CSMD2: variants seen among roughly 807,000 people sequenced by gnomAD.
The protein encoded by CSMD2 is CUB and Sushi multiple domains 2, also known as CUB and sushi domain-containing protein 2.
A neutral mutation model predicts 398.5 loss-of-function variants in CSMD2; 130 were observed. The observed-to-expected ratio is 0.33, with a 90% CI of 0.28 to 0.38. The LOEUF (loss-of-function observed/expected upper bound fraction) is 0.38, where lower values mean the gene tolerates loss of function less well. Ranked by LOEUF, CSMD2 falls within the 10% of genes least tolerant of loss-of-function variation. CSMD2 has a pLI of 1.00. For missense variants in CSMD2, 3,829 were observed against 4,764.9 expected, an observed-to-expected ratio of 0.80 and a Z score of 5.78; for synonymous variants, 1,828 against 1,908.5, an observed-to-expected ratio of 0.96 and a Z score of 1.10.
intron 3 of CSMD2, among the ~76,000 whole-genome samples, chr1:33,997,575 T>G (rs535772654): frequency 1.8e-3 from 270 of 152,302 alleles, no homozygotes; most frequent in Middle Eastern, 3.4e-3. Flanking sequence ...GGCAAATTCT[T>G]GCTGAGCAGG....
intron 6 of CSMD2, among the ~76,000 whole-genome samples, chr1:33,843,592 G>A (rs928077748): frequency 1.3e-5 from 2 of 152,158 alleles, no homozygotes; most frequent in Admixed American, 6.5e-5. Context: ...TCTCTGCCCT[G>A]TTCTGTGCCC....
intron 12 of CSMD2, among the ~76,000 whole-genome samples, chr1:33,778,689 G>GGCCCCT (rs1402124860): frequency 6.6e-6 from 1 of 152,128 alleles, no homozygotes; most frequent in African/African-American, 2.4e-5. Context: ...CCTGCCCCAC[G>GGCCCCT]GCCCCTGCCC....
At chr1:33,521,919 C>T (rs986543175) in intron 67 of CSMD2, among the ~76,000 whole-genome samples, 7 of 152,150 alleles carry the variant, frequency 4.6e-5, no homozygotes, top group Admixed American at 4.6e-4. Flanking sequence ...AATTTATAGG[C>T]CTTACATGCA....
intron 5 of CSMD2, among the ~76,000 whole-genome samples, 196 bp from the exon 6 acceptor site, chr1:33,847,192 C>T (rs1216087356): frequency 6.6e-6 from 1 of 152,152 alleles, no homozygotes; most frequent in Non-Finnish European, 1.5e-5. Flanking sequence ...TCCAGGGTCT[C>T]ATCCCACTGC....
intron 26 of CSMD2, among the ~76,000 whole-genome samples, chr1:33,660,365 G>A (rs532297962): frequency 3.0e-4 from 45 of 152,206 alleles, no homozygotes; most frequent in Admixed American, 2.4e-3. Flanking sequence ...TAATGCTCCT[G>A]AATTGGAGCT....
At chr1:33,750,737 T>G (rs1399417385) in intron 13 of CSMD2, among the ~76,000 whole-genome samples, 1 of 152,174 alleles carries the variant, frequency 6.6e-6, no homozygotes, top group Non-Finnish European at 1.5e-5. Context: ...GGTTGATTGA[T>G]CAATACCTGA....
intron 6 of CSMD2, among the ~76,000 whole-genome samples, chr1:33,843,789 C>T (rs537295630): frequency 1.3e-5 from 2 of 152,244 alleles, no homozygotes; most frequent in African/African-American, 2.4e-5. Flanking sequence ...AGCTACTGAT[C>T]CCCTGATCCC....
At chr1:33,581,546 A>AAAAAAAAAAAAAAAAAAAAAAAAAC in intron 47 of CSMD2, among the ~76,000 whole-genome samples, 1 of 145,388 alleles carries the variant, frequency 6.9e-6, no homozygotes, top group Middle Eastern at 3.3e-3. Context: ...AAAAAAAAAA[A>AAAAAAAAAAAAAAAAAAAAAAAAAC]AAAAAAAAGA....
intron 13 of CSMD2, among the ~76,000 whole-genome samples, chr1:33,745,363 C>T (rs562924979): frequency 6.6e-6 from 1 of 152,052 alleles, no homozygotes; most frequent in Non-Finnish European, 1.5e-5. Flanking sequence ...TTAATATATA[C>T]AAGCATAAAA....
chr1:33,700,934 C>T (rs769796897), intron 22 of CSMD2, among the ~76,000 whole-genome samples: 1 of 152,208 alleles, frequency 6.6e-6, no homozygotes, highest in Non-Finnish European at 1.5e-5. Flanking sequence ...CTATTCTAAT[C>T]TTTCCAGTGG....
Position 33,918,304 on chromosome 1 carries a change from G to A in CSMD2, c.713-3C>T. 2.5e-6 allele frequency: 4 copies of A among 1,613,610 alleles called. No individual in the cohort carries two copies. The highest frequency in any genetic ancestry group is 3.4e-6 in the Non-Finnish European group (4 of 1,179,898). Reference sequence around the variant, plus strand: ...GGTCCCACCACAGGCATCATCAGCTGTGGGCACAGAGAGAAGAGGCTTACA... The same window carrying A: ...GGTCCCACCACAGGCATCATCAGCTATGGGCACAGAGAGAAGAGGCTTACA... On this transcript the variant is annotated splice_polypyrimidine_tract_variant and splice_region_variant and intron_variant, in intron 4 of 70. Coordinates refer to ENST00000373381, the MANE Select transcript of CSMD2 (RefSeq NM_001281956.2).
At chr1:33,617,416 G>T in intron 38 of CSMD2, 83 bp downstream of exon 38, 1 of 1,021,704 alleles carries the variant, frequency 9.8e-7, no homozygotes, top group South Asian at 1.3e-5. Flanking sequence ...GTTCTTTGGT[G>T]ACTGTAGCTC....
At chr1:34,121,585 T>G (rs990537630) in intron 1 of CSMD2, among the ~76,000 whole-genome samples, 1 of 152,220 alleles carries the variant, frequency 6.6e-6, no homozygotes, top group Non-Finnish European at 1.5e-5. Flanking sequence ...AAAACCTGCA[T>G]TTCTAATAAG....
chr1:33,847,032 G>T, intron 5 of CSMD2, 36 bp from the exon 6 acceptor site: 2 of 1,421,224 alleles, frequency 1.4e-6, no homozygotes, highest in Non-Finnish European at 9.9e-7. Context: ...TCAGGGACCA[G>T]AGCTGAGTGG....
intron 12 of CSMD2, among the ~76,000 whole-genome samples, chr1:33,779,657 G>A (rs1281070657): frequency 6.6e-6 from 1 of 152,178 alleles, no homozygotes; most frequent in Non-Finnish European, 1.5e-5. Context: ...TGGTGCAAGT[G>A]CATTCCCATG....
At position 33,635,389 on chromosome 1, in the gene CSMD2, T is replaced by C. The variant is rs894506181; in HGVS notation, c.4970-59A>G. The C allele has an allele frequency of 2.9e-6, 3 of 1,025,762 alleles. No homozygotes were observed. The highest frequency in any genetic ancestry group is 4.5e-6 in the Non-Finnish European group (3 of 661,296). 63.5% of individuals were successfully genotyped at this position (1,025,762 alleles called of 1,614,324 possible). A position where few individuals can be genotyped will look rare whatever the true frequency, so the allele number is the denominator to read the frequency against. ...CTTGTGGGCCTCTTACCAGTGACCA[T>C]CCTCTGTTCTGCCCCAGCCTGAGCT... On this transcript the variant is annotated intron_variant, in intron 30 of 70. Coordinates refer to ENST00000373381, the MANE Select transcript of CSMD2 (RefSeq NM_001281956.2). This position sits in a 1 kb window ranked among gnomAD's most constrained non-coding sequence, Gnocchi z 5.0.
intron 15 of CSMD2, among the ~76,000 whole-genome samples, chr1:33,732,495 G>A (rs1646752486): frequency 6.6e-6 from 1 of 152,354 alleles, no homozygotes; most frequent in African/African-American, 2.4e-5. Flanking sequence ...CATGTGCACA[G>A]GAAAACAGGC....
At chr1:34,087,983 C>T (rs1485494244) in intron 2 of CSMD2, among the ~76,000 whole-genome samples, 2 of 151,518 alleles carry the variant, frequency 1.3e-5, no homozygotes, top group Admixed American at 6.6e-5. Context: ...GCCCCAGATG[C>T]CCCCCCGCCT....
chr1:33,658,174 T>C, intron 26 of CSMD2, 37 bp from the exon 27 acceptor site: 2 of 1,580,448 alleles, frequency 1.3e-6, no homozygotes, highest in Non-Finnish European at 1.7e-6. Flanking sequence ...TAAGGTCGCC[T>C]GGGTGTCTGC....
Sources: gnomAD v4.1 joint callset for allele counts (sites outside exome capture counted in the v4.1 genomes callset) on GRCh38, gnomAD v4.1.1 for gene constraint, Gnocchi (gnomAD v3.1) non-coding constraint, MANE v1.5 for transcripts, NCBI Gene and HGNC (gene_info 2026-07-23, HGNC 2026-07-21) for gene names.